The following GRM8 variants were observed in gnomAD, a reference collection of about 807,000 sequenced individuals.
GRM8 encodes glutamate metabotropic receptor 8, also known as metabotropic glutamate receptor 8.
In GRM8, 47 loss-of-function variants were observed where a neutral mutation model predicts 87.2. The observed-to-expected ratio is 0.54, with a 90% CI of 0.43 to 0.69. The LOEUF (loss-of-function observed/expected upper bound fraction) is 0.69, where lower values mean the gene tolerates loss of function less well. Among genes scored for constraint, GRM8 ranks in the 30% least tolerant of loss-of-function variants. GRM8 has a pLI of 0.00. For missense variants in GRM8, 1,019 were observed against 1,139.2 expected, an observed-to-expected ratio of 0.89 and a Z score of 1.52; for synonymous variants, 396 against 404.5, an observed-to-expected ratio of 0.98 and a Z score of 0.25.
At chr7:127,173,549 T>G (rs1028952940) in intron 2 of GRM8, among the ~76,000 whole-genome samples, 1 of 152,166 alleles carries the variant, frequency 6.6e-6, no homozygotes, top group African/African-American at 2.4e-5. Flanking sequence ...CGACTTTGTC[T>G]TTTACTCTGG....
chr7:127,086,995 C>T (rs181058857), intron 3 of GRM8, among the ~76,000 whole-genome samples: 50 of 152,268 alleles, frequency 3.3e-4, no homozygotes, highest in Admixed American at 5.2e-4. Context: ...ACTAAAGTTT[C>T]TCCAAGGAAA....
At chr7:127,023,506 A>G (rs1174236966) in intron 3 of GRM8, among the ~76,000 whole-genome samples, 1 of 152,152 alleles carries the variant, frequency 6.6e-6, no homozygotes, top group Non-Finnish European at 1.5e-5. Context: ...GTTAATTTTC[A>G]AACCCGGACA....
At chr7:126,954,520 C>A (rs1808482112) in intron 3 of GRM8, among the ~76,000 whole-genome samples, 1 of 152,304 alleles carries the variant, frequency 6.6e-6, no homozygotes, top group East Asian at 1.9e-4. Context: ...AAATTCAAAT[C>A]TAACCTGTAT....
intron 8 of GRM8, among the ~76,000 whole-genome samples, chr7:126,545,090 T>C (rs974177087): frequency 2.0e-5 from 3 of 152,230 alleles, no homozygotes; most frequent in East Asian, 1.9e-4. Context: ...TCAAGTTCTA[T>C]GCAGAAAAAG....
At chr7:126,736,437 T>G (rs1814236428) in intron 7 of GRM8, among the ~76,000 whole-genome samples, 1 of 152,050 alleles carries the variant, frequency 6.6e-6, no homozygotes, top group South Asian at 2.1e-4. Context: ...CTTGATATAC[T>G]CAGCCCATCC....
intron 3 of GRM8, among the ~76,000 whole-genome samples, chr7:126,915,211 G>A (rs548608774): frequency 4.6e-5 from 7 of 152,322 alleles, no homozygotes; most frequent in African/African-American, 1.7e-4. Context: ...TCTCTTCTTA[G>A]CTATGTGAGA....
chr7:126,915,225 G>A (rs1443645776), intron 3 of GRM8, among the ~76,000 whole-genome samples: 2 of 152,128 alleles, frequency 1.3e-5, no homozygotes, highest in African/African-American at 2.4e-5. Flanking sequence ...TGTGAGACTG[G>A]GTAAGTGAGG....
intron 3 of GRM8, among the ~76,000 whole-genome samples, chr7:127,067,676 T>C (rs1373122921): frequency 1.3e-5 from 2 of 152,342 alleles, no homozygotes; most frequent in African/African-American, 4.8e-5. Flanking sequence ...TAAAGGGTAT[T>C]ATCCTGCATT....
At chr7:127,210,194 A>T (rs1405373197) in intron 2 of GRM8, among the ~76,000 whole-genome samples, 1 of 152,178 alleles carries the variant, frequency 6.6e-6, no homozygotes, top group Non-Finnish European at 1.5e-5. Flanking sequence ...CATCACAAAG[A>T]TGTTAGTTTT....
intron 9 of GRM8, among the ~76,000 whole-genome samples, chr7:126,458,430 A>C (rs1020472899): frequency 6.6e-6 from 1 of 151,324 alleles, no homozygotes; most frequent in African/African-American, 2.4e-5. Flanking sequence ...TATAATCATT[A>C]AATTATGCAA....
At chr7:127,140,896 T>C (rs1447542052) in intron 2 of GRM8, among the ~76,000 whole-genome samples, 1 of 152,156 alleles carries the variant, frequency 6.6e-6, no homozygotes, top group East Asian at 1.9e-4. Context: ...GTTGTGTTTT[T>C]TTCCCTACAC....
intron 3 of GRM8, among the ~76,000 whole-genome samples, chr7:126,936,202 T>C (rs1170249748): frequency 6.6e-6 from 1 of 152,224 alleles, no homozygotes; most frequent in Non-Finnish European, 1.5e-5. Flanking sequence ...ATATTTGAAC[T>C]TAAAACGTTT....
In GRM8 at chr7:126,533,656, T is replaced by G. The variant is rs1281571242; in HGVS notation, c.1726A>C (p.Lys576Gln). 1 of 1,614,012 alleles carries G rather than the reference T, an allele frequency of 6.2e-7. No homozygotes were observed. ...GCCCAGGGAGAATGCCACTCCAATT[T>G]GATGATGGGGATAAGCTGGCAGCCT... Reference protein sequence around the residue: ...RTGCQLIPIIKLEWHSPWAVV... With the variant: ...RTGCQLIPIIQLEWHSPWAVV... Residue 576 changes from lysine to glutamine, a missense_variant, in exon 9 of 11, where the codon AAA becomes CAA. Coordinates refer to ENST00000339582, the MANE Select transcript of GRM8 (RefSeq NM_000845.3).
At chr7:127,094,137 GT>G (rs769812265) in intron 3 of GRM8, among the ~76,000 whole-genome samples, 218 of 152,298 alleles carry the variant, frequency 1.4e-3, no homozygotes, top group Non-Finnish European at 2.5e-3. Context: ...GCAGAAGGGT[GT>G]TTTTATATTA....
At chr7:126,715,609 T>C (rs1811645628) in intron 7 of GRM8, among the ~76,000 whole-genome samples, 1 of 152,198 alleles carries the variant, frequency 6.6e-6, no homozygotes, top group Non-Finnish European at 1.5e-5. Flanking sequence ...GTGAATTATC[T>C]CAAATTGTCA....
At chr7:127,052,800 T>C (rs540250589) in intron 3 of GRM8, among the ~76,000 whole-genome samples, 31 of 152,334 alleles carry the variant, frequency 2.0e-4, no homozygotes, top group Non-Finnish European at 2.9e-4. Context: ...CTGATTCCTT[T>C]GATCTTCCCT....
intron 3 of GRM8, among the ~76,000 whole-genome samples, chr7:127,074,543 C>A (rs936161761): frequency 2.6e-5 from 4 of 152,148 alleles, no homozygotes; most frequent in African/African-American, 9.7e-5. Flanking sequence ...TTGCTAGCCA[C>A]CTTGGAACTG....
At chr7:126,720,773 T>C (rs1812311583) in intron 7 of GRM8, among the ~76,000 whole-genome samples, 1 of 152,216 alleles carries the variant, frequency 6.6e-6, no homozygotes, top group African/African-American at 2.4e-5. Context: ...AGGTATTTCT[T>C]TGTAATTTTT....
chr7:127,232,933 G>T (rs1449265650), intron 2 of GRM8, among the ~76,000 whole-genome samples: 2 of 152,086 alleles, frequency 1.3e-5, no homozygotes, highest in African/African-American at 4.8e-5. Context: ...TGTCTCCCAG[G>T]TTCAAGTGAT....
Sources: allele counts gnomAD v4.1 joint callset (sites outside exome capture counted in the v4.1 genomes callset), GRCh38; gene constraint gnomAD v4.1.1; transcripts MANE v1.5; gene names NCBI Gene and HGNC (gene_info 2026-07-23, HGNC 2026-07-21).